Variants in AIDA observed in about 807,000 individuals in gnomAD.
AIDA encodes the protein axin interactor, dorsalization associated.
Under a neutral mutation model 42.7 loss-of-function variants are expected in AIDA, and 18 were observed. The observed-to-expected ratio is 0.42, with a 90% CI of 0.29 to 0.63. The LOEUF (loss-of-function observed/expected upper bound fraction) is 0.63. AIDA is among the 20% of genes least tolerant of loss of function. The pLI, the probability that AIDA is intolerant of heterozygous loss-of-function variation, is 0.19. For synonymous variants in AIDA, 104 were observed against 122.9 expected (o/e 0.85, Z 1.02); for missense variants, 250 against 354.1 (o/e 0.71, Z 2.36).
intron 1 of AIDA, among the ~76,000 whole-genome samples, chr1:222,710,932 G>C (rs1304079868): frequency 6.6e-6 from 1 of 152,194 alleles, no homozygotes; most frequent in East Asian, 1.9e-4. Context: ...GTTTTTGTCA[G>C]AGCTTTTTGA....
intron 1 of AIDA, among the ~76,000 whole-genome samples, chr1:222,706,178 G>C (rs1367660172): frequency 2.0e-5 from 3 of 152,142 alleles, no homozygotes; most frequent in Non-Finnish European, 2.9e-5. Flanking sequence ...AATAACAAAT[G>C]CTGGTGATAT....
At chr1:222,676,929 AAAAAACAAAC>A (rs1370473187) in intron 6 of AIDA, among the ~76,000 whole-genome samples, 1 of 151,370 alleles carries the variant, frequency 6.6e-6, no homozygotes, top group Non-Finnish European at 1.5e-5. Context: ...AAACCACAAA[AAAAAACAAAC>A]AAAAAAAAAC....
At chr1:222,695,730 G>GT (rs1290366008) in intron 2 of AIDA, among the ~76,000 whole-genome samples, 1 of 152,150 alleles carries the variant, frequency 6.6e-6, no homozygotes, top group Non-Finnish European at 1.5e-5. Flanking sequence ...TACTTCTTAA[G>GT]TTTTTATTAG....
intron 6 of AIDA, among the ~76,000 whole-genome samples, chr1:222,681,436 G>A (rs1365058322): frequency 1.3e-5 from 2 of 152,204 alleles, no homozygotes; most frequent in Non-Finnish European, 2.9e-5. Flanking sequence ...GGCCAAGGTG[G>A]GTGGATTACC....
chr1:222,670,197 T>C lies in AIDA; in HGVS notation c.760A>G (p.Ser254Gly). 2 of 1,614,136 alleles carry C rather than the reference T, an allele frequency of 1.2e-6. No individual in the cohort carries two copies. Among genetic ancestry groups the C allele is most frequent in the Non-Finnish European group, 1.7e-6 (2 of 1,180,006 alleles). The stretch of plus-strand genomic sequence containing the variant: ...TCCATGAAAGCAAAACACTTGGTGC[T>C]GGTAAACCTTTTTTTAGGCTTGTAG... ...KHYKPKKRFT[S>G]TKCFAFMEMD... The change falls in exon 9 of 10, where the codon AGC becomes GGC. Residue 254 changes from serine (S) to glycine (G), a missense_variant. Coordinates refer to ENST00000340020, the MANE Select transcript of AIDA (RefSeq NM_022831.4).
In AIDA at chr1:222,686,985, T is replaced by C. The variant is rs369767973; in HGVS notation, c.405A>G (p.Glu135=). 2.1e-4 allele frequency: 341 copies of C among 1,613,664 alleles called. 5 individuals carry two copies. Among genetic ancestry groups the C allele is most frequent in the South Asian group, 1.1e-3 (104 of 91,030 alleles). ...ACCCTGCTCCAGCACCACCCTCTTC[T>C]TCATCTTCTTCAAATTCCAAATTCT... The part of the protein sequence containing the change: ...EEENLEFEED[E]EEGGAGAGSP... Residue 135 remains glutamate, a synonymous_variant, in exon 6 of 10, where the codon GAA becomes GAG. Transcript: ENST00000340020.
intron 1 of AIDA, among the ~76,000 whole-genome samples, chr1:222,709,549 C>A (rs1180930624): frequency 6.6e-6 from 1 of 151,942 alleles, no homozygotes; most frequent in Admixed American, 6.6e-5. Flanking sequence ...GAGATAGAGG[C>A]AGTGGGGTTG....
Position 222,694,256 on chromosome 1 carries a change from A to G in AIDA, c.188T>C (p.Ile63Thr). 1 of 1,611,940 alleles carries G rather than the reference A, an allele frequency of 6.2e-7. No homozygotes were observed. The highest frequency in any genetic ancestry group is 8.5e-7 in the Non-Finnish European group (1 of 1,179,208). ...TTCCAAGCATGTTGCAATTTTGCCT[A>G]TGGTTTTCTGCAGGGGAATAAAAAA... ...SEFTEEQKKT[I>T]GKIATCLELR... The change falls in exon 3 of 10, where the codon ATA becomes ACA. Residue 63 changes from isoleucine (I) to threonine (T), a missense_variant. Coordinates refer to ENST00000340020, the MANE Select transcript of AIDA (RefSeq NM_022831.4).
chr1:222,710,613 G>A (rs2124973160), intron 1 of AIDA, among the ~76,000 whole-genome samples: 1 of 152,290 alleles, frequency 6.6e-6, no homozygotes, highest in South Asian at 2.1e-4. Context: ...CAGTATGGAA[G>A]GGTGTGTTCT....
intron 4 of AIDA, 137 bp from the exon 5 acceptor site, chr1:222,687,795 G>A: frequency 1.6e-6 from 1 of 622,442 alleles, no homozygotes; most frequent in Non-Finnish European, 2.5e-6. Flanking sequence ...CCATTTGAGA[G>A]CTACACAGTA....
Position 222,684,646 on chromosome 1 carries a change from AG to A in AIDA, c.460+2283del, listed in dbSNP as rs369107639. ...TTAAACCATACATACTCTTTCTTTT[AG>A]GGGGGAAAAAAATTCAGGGACTAGA... On this transcript the variant is annotated intron_variant, in intron 6 of 9. Coordinates refer to ENST00000340020, the MANE Select transcript of AIDA (RefSeq NM_022831.4). 1.5e-3 allele frequency among the ~76,000 whole-genome samples: 225 copies of A among 152,300 alleles called. 6 individuals carry two copies. In the South Asian group the frequency reaches 0.021, roughly 14 times the overall value.
chr1:222,708,266 G>A (rs371205621), intron 1 of AIDA, among the ~76,000 whole-genome samples: 4 of 151,254 alleles, frequency 2.6e-5, no homozygotes, highest in East Asian at 2.0e-4. Context: ...AGCCGAAATC[G>A]CACCACTGCA....
chr1:222,687,720 T>G, intron 4 of AIDA, 62 bp from the exon 5 acceptor site: 1 of 1,204,216 alleles, frequency 8.3e-7, no homozygotes, highest in African/African-American at 1.6e-5. Flanking sequence ...AATTATATCT[T>G]AAATGATTAA....
chr1:222,694,156 A>G, intron 3 of AIDA, 54 bp downstream of exon 3: 1 of 1,480,926 alleles, frequency 6.8e-7, no homozygotes, highest in South Asian at 1.2e-5. Flanking sequence ...GTTTTATCAC[A>G]ATAATGCAGA....
chr1:222,708,980 G>C (rs951433007), intron 1 of AIDA, among the ~76,000 whole-genome samples: 2 of 152,132 alleles, frequency 1.3e-5, no homozygotes, highest in African/African-American at 4.8e-5. Flanking sequence ...ACAATGACGT[G>C]TGGATAGCCT....
At chr1:222,707,657 T>C (rs1019521042) in intron 1 of AIDA, among the ~76,000 whole-genome samples, 1 of 152,156 alleles carries the variant, frequency 6.6e-6, no homozygotes, top group Admixed American at 6.5e-5. Flanking sequence ...CTCTAGAGAC[T>C]CATCTCACCC....
At position 222,670,468 on chromosome 1, in the gene AIDA, T is replaced by A. The variant is rs527888520; in HGVS notation, c.707-218A>T. Among the ~76,000 whole-genome samples the A allele has an allele frequency of 2.0e-5, 3 of 152,288 alleles. No homozygotes were observed. In the East Asian group the frequency reaches 5.8e-4, roughly 29 times the overall value. On this transcript the variant is annotated intron_variant, in intron 8 of 9. Coordinates refer to ENST00000340020, the MANE Select transcript of AIDA (RefSeq NM_022831.4). Reference sequence around the variant, plus strand: ...GTGACATTTCTCCTTATCATCCAATTCTACAAACTATAGCAAAACTTCTTG... The same window carrying A: ...GTGACATTTCTCCTTATCATCCAATACTACAAACTATAGCAAAACTTCTTG...
At chr1:222,683,346 T>A (rs773790755) in intron 6 of AIDA, among the ~76,000 whole-genome samples, 15 of 152,232 alleles carry the variant, frequency 9.9e-5, no homozygotes, top group Non-Finnish European at 1.5e-4. Context: ...TACATGTGTG[T>A]TAGCAAGAAA....
chr1:222,689,045 A>ATGTG (rs537611818), intron 4 of AIDA, among the ~76,000 whole-genome samples: 113 of 151,270 alleles, frequency 7.5e-4, no homozygotes, highest in African/African-American at 2.6e-3. Context: ...GCCTAAGCTA[A>ATGTG]TGTGTGTGTG....
Sources: allele counts gnomAD v4.1 joint callset (sites outside exome capture counted in the v4.1 genomes callset), GRCh38; gene constraint gnomAD v4.1.1; transcripts MANE v1.5; gene names NCBI Gene and HGNC (gene_info 2026-07-23, HGNC 2026-07-21).